XRN1: variants seen among roughly 807,000 people sequenced by gnomAD.
XRN1 encodes 5'-3' exoribonuclease 1.
Under a neutral mutation model 222.3 loss-of-function variants are expected in XRN1, and 67 were observed. That is an observed-to-expected ratio of 0.30 (90% CI 0.25 to 0.37). The LOEUF (loss-of-function observed/expected upper bound fraction) is 0.37. Among genes scored for constraint, XRN1 ranks in the 10% least tolerant of loss-of-function variants. The pLI is 1.00. For missense variants in XRN1, 1,707 were observed against 2,000.2 expected (o/e 0.85, Z 2.80); for synonymous variants, 643 against 652.4 (o/e 0.99, Z 0.22).
intron 33 of XRN1, among the ~76,000 whole-genome samples, chr3:142,341,309 A>G (rs971172985): frequency 6.6e-6 from 1 of 152,140 alleles, no homozygotes; most frequent in African/African-American, 2.4e-5. Flanking sequence ...AAAAAATAAA[A>G]AGCAAGAAAT....
intron 15 of XRN1, among the ~76,000 whole-genome samples, chr3:142,408,168 TA>T (rs2068422494): frequency 6.6e-6 from 1 of 152,172 alleles, no homozygotes; most frequent in Non-Finnish European, 1.5e-5. Context: ...CCAACACCCA[TA>T]GGGGTAGCTG....
chr3:142,437,979 C>T (rs1048042759), intron 1 of XRN1, among the ~76,000 whole-genome samples: 2 of 152,114 alleles, frequency 1.3e-5, no homozygotes, highest in African/African-American at 4.8e-5. Flanking sequence ...AAACGCAAAT[C>T]AAAACTACAA....
At chr3:142,370,176 G>A (rs2066946475) in intron 27 of XRN1, among the ~76,000 whole-genome samples, 1 of 151,818 alleles carries the variant, frequency 6.6e-6, no homozygotes, top group South Asian at 2.1e-4. Flanking sequence ...AACACTACAA[G>A]GGCATAAAAT....
intron 2 of XRN1, chr3:142,429,621 C>T (rs1000910920): frequency 6.6e-6 from 1 of 152,180 alleles, no homozygotes; most frequent in Non-Finnish European, 1.5e-5. Context: ...AATACCAGCA[C>T]AGTATTTAAT....
intron 25 of XRN1, among the ~76,000 whole-genome samples, chr3:142,372,674 G>A (rs141184503): frequency 2.6e-5 from 4 of 152,316 alleles, no homozygotes; most frequent in South Asian, 2.1e-4. Flanking sequence ...GAGGGCTGCC[G>A]GAAAGCAGCA....
chr3:142,310,945 T>C lies in XRN1; in HGVS notation c.*566A>G, dbSNP rs1422696519. 6.6e-6 allele frequency: 1 copy of C among 152,626 alleles called. No individual in the cohort carries two copies. Among genetic ancestry groups the C allele is most frequent in the South Asian group, 2.1e-4 (1 of 4,834 alleles). The allele number at this position is 152,626 out of a possible 1,614,324, so 9.5% of individuals were successfully genotyped here. ...GCAGCACCACAACAAATGTGATCCT[T>C]TCACAGCAGGTCTAAAGACCCTCAG... On this transcript the variant is annotated 3_prime_UTR_variant, in exon 41 of 41. Transcript: ENST00000392981.
intron 15 of XRN1, among the ~76,000 whole-genome samples, chr3:142,410,789 C>G (rs960820677): frequency 6.6e-6 from 1 of 151,984 alleles, no homozygotes; most frequent in East Asian, 1.9e-4. Flanking sequence ...CCACCGTGCC[C>G]GGCCTCATGT....
At chr3:142,379,805 C>G (rs964176654) in intron 23 of XRN1, among the ~76,000 whole-genome samples, 1 of 152,130 alleles carries the variant, frequency 6.6e-6, no homozygotes, top group Non-Finnish European at 1.5e-5. Context: ...AGAGGGTGTG[C>G]TAATCAATGT....
In XRN1 at chr3:142,355,065, G is replaced by C. The variant is rs1288625847; in HGVS notation, c.3768+336C>G. ...TAAAAATGGGAATAACAGACACTGG[G>C]GGTTACTACAGATGGGGGAAGATAG... On this transcript the variant is annotated intron_variant, in intron 32 of 40. Transcript: ENST00000392981. 4.0e-5 allele frequency among the ~76,000 whole-genome samples: 6 copies of C among 150,328 alleles called. No individual in the cohort carries two copies. The East Asian group carries it at 1.2e-3, about 30-fold the overall frequency.
chr3:142,425,400 A>C (rs763321518), intron 4 of XRN1, 29 bp downstream of exon 4: 1 of 1,579,172 alleles, frequency 6.3e-7, no homozygotes, highest in South Asian at 1.2e-5. Flanking sequence ...TACTTTTTTT[A>C]AACTCTTTAA....
intron 19 of XRN1, among the ~76,000 whole-genome samples, chr3:142,399,238 G>GAAAAAAAA (rs58300200): frequency 5.1e-5 from 3 of 59,166 alleles, no homozygotes; most frequent in Non-Finnish European, 1.1e-4. Flanking sequence ...AAACAATTCT[G>GAAAAAAAA]AAAAAAAAAA....
chr3:142,333,046 G>A lies in XRN1; in HGVS notation c.3983C>T (p.Ser1328Phe). ...IENFLASLNI[S>F]KENEVQSSHH... ...AGATGACTGTACTTCATTTTCTTTG[G>A]AGATATTCAAAGATGCTAAAAAGTT... The change falls in exon 35 of 41, where the codon TCC becomes TTC. Residue 1328 changes from serine to phenylalanine, a missense_variant. Physicochemically the swap from Ser to Phe is radical, Grantham distance 155. Transcript: ENST00000392981. 6.2e-7 allele frequency: 1 copy of A among 1,613,178 alleles called. No individual in the cohort carries two copies.
At chr3:142,323,303 T>C (rs561105378) in intron 37 of XRN1, among the ~76,000 whole-genome samples, 1 of 151,968 alleles carries the variant, frequency 6.6e-6, no homozygotes, top group South Asian at 2.1e-4. Flanking sequence ...TGTTTTTTTT[T>C]TTTAAATGGA....
rs1302305469 is a variant in XRN1 at position 142,357,110 on chromosome 3, A to G, written c.3474T>C (p.Pro1158=). 6.2e-7 allele frequency: 1 copy of G among 1,609,594 alleles called. No individual in the cohort carries two copies. Among genetic ancestry groups the G allele is most frequent in the African/African-American group, 1.3e-5 (1 of 74,920 alleles). The change falls in exon 31 of 41, where the codon CCT becomes CCC. Residue 1158 remains proline, a synonymous_variant. Transcript: ENST00000392981. ...TTGTTGGCAGTCGATAACCTCTACC[A>G]GGTGAGCATCTAAAAGTAAAAGTTA... ...FPGGLTIRCS[P]GRGYRLPTSA... is the part of the protein sequence containing the mutation.
intron 1 of XRN1, among the ~76,000 whole-genome samples, chr3:142,444,198 A>C (rs1269490765): frequency 2.6e-5 from 4 of 152,214 alleles, no homozygotes; most frequent in African/African-American, 7.2e-5. Context: ...TAATCCCAGC[A>C]CTTTGGGAGG....
chr3:142,431,895 A>ATAATATATTG (rs1559879613), intron 2 of XRN1, among the ~76,000 whole-genome samples: 61 of 32,408 alleles, frequency 1.9e-3, no homozygotes, highest in African/African-American at 5.8e-3. Context: ...TATATATAAT[A>ATAATATATTG]TATATATTAT....
Position 142,332,996 on chromosome 3 carries a change from C to T in XRN1, c.4033G>A (p.Glu1345Lys). 6.2e-7 allele frequency: 1 copy of T among 1,613,794 alleles called. No individual in the cohort carries two copies. Among genetic ancestry groups the T allele is most frequent in the Middle Eastern group, 1.7e-4 (1 of 6,056 alleles). The change falls in exon 35 of 41, where the codon GAG (glutamate) becomes AAG (lysine). Residue 1345 changes from glutamate (E) to lysine (K), a missense_variant. Around this residue, in one of 2 missense-constraint regions of XRN1, gnomAD observed 473 missense variants for 482.0 expected, o/e 0.98. Coordinates refer to ENST00000392981, the MANE Select transcript of XRN1 (RefSeq NM_001282857.2). ...SSHHGEPPSE[E>K]HLSPQSFAMK... is the part of the protein sequence containing the mutation. The stretch of plus-strand genomic sequence containing the variant: ...GCAAATGACTGTGGTGACAAATGCT[C>T]TTCACTTGGAGGCTCCCCATGATGA...
At chr3:142,359,802 T>C (rs956495997) in intron 30 of XRN1, 60 bp downstream of exon 30, 4 of 1,296,186 alleles carry the variant, frequency 3.1e-6, no homozygotes, top group Non-Finnish European at 4.4e-6. Context: ...AAAAGTAATG[T>C]AAAGTCACTG....
In XRN1 at chr3:142,322,837, T is replaced by TATTAAA. The variant is rs376182374; in HGVS notation, c.4405-3940_4405-3935dup. On this transcript the variant is annotated intron_variant, in intron 37 of 40. Transcript: ENST00000392981. ...GACCAACATGGTGAAACCCCGTCTC[T>TATTAAA]ATTAAAAATACATAACTTAGCCGAG... is the stretch of plus-strand genomic sequence containing the variant. Among the ~76,000 whole-genome samples the TATTAAA allele has an allele frequency of 3.2e-3, 485 of 152,176 alleles. 1 individual carries two copies. Among genetic ancestry groups the TATTAAA allele is most frequent in the African/African-American group, 9.6e-3 (400 of 41,514 alleles).
Sources: allele counts gnomAD v4.1 joint callset (sites outside exome capture counted in the v4.1 genomes callset), GRCh38; gene constraint gnomAD v4.1.1; regional missense constraint gnomAD v4.1.1; transcripts MANE v1.5; gene names NCBI Gene and HGNC (gene_info 2026-07-23, HGNC 2026-07-21).